Variants in ZNF727 observed in about 807,000 individuals in gnomAD.
ZNF727 encodes zinc finger protein 727.
ZNF727 carries 11 observed loss-of-function variants against 11.5 expected under a neutral mutation model. That is an observed-to-expected ratio of 0.95 (90% CI 0.60 to 1.58). The LOEUF (loss-of-function observed/expected upper bound fraction) is 1.58, where lower values mean the gene tolerates loss of function less well. ZNF727 is among the 40% of genes most tolerant of loss of function. ZNF727 has a pLI of 0.00. For synonymous variants in ZNF727, 171 were observed against 196.1 expected (o/e 0.87, Z 1.07); for missense variants, 533 against 581.7 (o/e 0.92, Z 0.86).
intron 1 of ZNF727, among the ~76,000 whole-genome samples, chr7:64,064,504 T>C (rs1789832471): frequency 6.6e-6 from 1 of 152,124 alleles, no homozygotes; most frequent in South Asian, 2.1e-4. Flanking sequence ...CTCTCCCCTT[T>C]CCTCAAGTAG....
chr7:64,081,468 A>G lies in ZNF727; in HGVS notation c.*2919A>G, dbSNP rs1359737646. The stretch of plus-strand genomic sequence containing the variant: ...CAAAGCCAAACTCACCTTTGCAGAC[A>G]TGTGCCAGCAAAGTAATATGGGGAG... On this transcript the variant is annotated 3_prime_UTR_variant, in exon 4 of 4. Transcript: ENST00000456806. Among the ~76,000 whole-genome samples, 2 of 152,128 alleles carry G rather than the reference A, an allele frequency of 1.3e-5. No homozygotes were observed. The highest frequency in any genetic ancestry group is 3.9e-4 in the East Asian group (2 of 5,144).
rs1785792051 is a variant in ZNF727 at position 64,081,481 on chromosome 7, G to A, written c.*2932G>A. On this transcript the variant is annotated 3_prime_UTR_variant, in exon 4 of 4. Transcript: ENST00000456806. The stretch of plus-strand genomic sequence containing the variant: ...ACCTTTGCAGACATGTGCCAGCAAA[G>A]TAATATGGGGAGTTGCCATGGTCTT... Among the ~76,000 whole-genome samples, 1 of 152,116 alleles carries A rather than the reference G, an allele frequency of 6.6e-6. No individual in the cohort carries two copies. Among genetic ancestry groups the A allele is most frequent in the Admixed American group, 6.5e-5 (1 of 15,274 alleles).
At chr7:64,068,618 A>G (rs1789908255) in intron 1 of ZNF727, among the ~76,000 whole-genome samples, 1 of 152,164 alleles carries the variant, frequency 6.6e-6, no homozygotes, top group South Asian at 2.1e-4. Flanking sequence ...ATGTAAATAT[A>G]GCATTAAGTA....
At chr7:64,048,719 G>A (rs561735820) in intron 1 of ZNF727, among the ~76,000 whole-genome samples, 2 of 152,220 alleles carry the variant, frequency 1.3e-5, no homozygotes, top group African/African-American at 2.4e-5. Context: ...AGCTGCAATG[G>A]ATGCAACAAT....
In ZNF727 at chr7:64,080,081, CAT is replaced by C. The variant is rs768198350; in HGVS notation, c.*1535_*1536del. 1.9e-4 allele frequency among the ~76,000 whole-genome samples: 29 copies of C among 152,146 alleles called. No individual in the cohort carries two copies. The highest frequency in any genetic ancestry group is 7.0e-4 in the African/African-American group (29 of 41,526). ...GGTCTTTCTCTCTAGCTGCCTTTAA[CAT>C]ATTTTTTTCTCTCATTTTGACCTTG... On this transcript the variant is annotated 3_prime_UTR_variant, in exon 4 of 4. Transcript: ENST00000456806.
chr7:64,058,312 A>C (rs931756762), intron 1 of ZNF727, among the ~76,000 whole-genome samples: 2 of 151,454 alleles, frequency 1.3e-5, no homozygotes, highest in Admixed American at 6.6e-5. Flanking sequence ...ATGAGGTCAG[A>C]CTCCTTCTCC....
At chr7:64,069,432 T>C in intron 2 of ZNF727, 82 bp from the exon 3 acceptor site, 4 of 1,132,492 alleles carry the variant, frequency 3.5e-6, no homozygotes, top group Non-Finnish European at 5.2e-6. Context: ...TATAATGTTC[T>C]CTCTTCTCTA....
At chr7:64,068,594 G>A (rs926710472) in intron 1 of ZNF727, among the ~76,000 whole-genome samples, 20 of 152,082 alleles carry the variant, frequency 1.3e-4, no homozygotes, top group Admixed American at 8.5e-4. Flanking sequence ...AGTATAGACA[G>A]CTCATCTTGT....
chr7:64,057,877 G>A (rs549867931), intron 1 of ZNF727, among the ~76,000 whole-genome samples: 28 of 152,150 alleles, frequency 1.8e-4, no homozygotes, highest in Non-Finnish European at 3.5e-4. Context: ...TAGATTCATG[G>A]CATAATTGTC....
chr7:64,047,762 C>G (rs1407206797), intron 1 of ZNF727, among the ~76,000 whole-genome samples: 1 of 152,132 alleles, frequency 6.6e-6, no homozygotes, highest in African/African-American at 2.4e-5. Context: ...TTTTCCCTCT[C>G]AACCCTAGCT....
At chr7:64,048,495 G>T (rs544094559) in intron 1 of ZNF727, among the ~76,000 whole-genome samples, 10 of 152,262 alleles carry the variant, frequency 6.6e-5, no homozygotes, top group South Asian at 4.1e-4. Flanking sequence ...GAAAACATCA[G>T]TTTCTGTCTC....
At chr7:64,060,798 T>C (rs1037594481) in intron 1 of ZNF727, among the ~76,000 whole-genome samples, 1 of 152,112 alleles carries the variant, frequency 6.6e-6, no homozygotes, top group African/African-American at 2.4e-5. Flanking sequence ...TTGGAGTTTT[T>C]TTTTAAACTT....
chr7:64,048,481 T>C (rs562895298), intron 1 of ZNF727, among the ~76,000 whole-genome samples: 9 of 152,216 alleles, frequency 5.9e-5, no homozygotes, highest in Non-Finnish European at 1.2e-4. Context: ...TTACAAACAT[T>C]CATGAAAACA....
Position 64,079,272 on chromosome 7 carries a change from A to T in ZNF727, c.*723A>T, listed in dbSNP as rs568083706. ...TAAAAATGTGGAAAAGCCTTTAACA[A>T]TTCGTCATATTGTGTTCAACATCAG... On this transcript the variant is annotated 3_prime_UTR_variant, in exon 4 of 4. Transcript: ENST00000456806. Among the ~76,000 whole-genome samples, 1 of 152,328 alleles carries T rather than the reference A, an allele frequency of 6.6e-6. No individual in the cohort carries two copies. The highest frequency in any genetic ancestry group is 2.1e-4 in the South Asian group (1 of 4,824).
rs1260747790 is a variant in ZNF727 at position 64,077,505 on chromosome 7, A to G, written c.456A>G (p.Lys152=). 2.6e-6 allele frequency: 4 copies of G among 1,551,454 alleles called. No homozygotes were observed. The South Asian group carries it at 4.8e-5, about 18-fold the overall frequency. The change falls in exon 4 of 4, where the codon AAA becomes AAG. Residue 152 remains lysine, a synonymous_variant. Transcript: ENST00000456806. ...CCTGTCAATATAATAAATGTGGCAA[A>G]GCTTTTGGGTTGTGCTCAATCTTCA... ...SKTCQYNKCG[K]AFGLCSIFTE... is the part of the protein sequence containing the mutation.
At chr7:64,068,424 A>G (rs1208530090) in intron 1 of ZNF727, among the ~76,000 whole-genome samples, 2 of 152,122 alleles carry the variant, frequency 1.3e-5, no homozygotes, top group Non-Finnish European at 2.9e-5. Context: ...GCCAGAAGCA[A>G]TGATACCACT....
At chr7:64,055,542 C>G (rs1267323129) in intron 1 of ZNF727, among the ~76,000 whole-genome samples, 1 of 152,138 alleles carries the variant, frequency 6.6e-6, no homozygotes, top group Non-Finnish European at 1.5e-5. Context: ...TTCCCATTGT[C>G]CACTGTCTTA....
At position 64,078,111 on chromosome 7, in the gene ZNF727, C is replaced by G. The variant is rs1244433600; in HGVS notation, c.1062C>G (p.Thr354=). The change falls in exon 4 of 4, where the codon ACC becomes ACG. Residue 354 remains threonine, a synonymous_variant. Coordinates refer to ENST00000456806, the MANE Select transcript of ZNF727 (RefSeq NM_001159522.3). ...ECGKAFTYSS[T]LISHKRIHME... is the part of the protein sequence containing the mutation. ...GCAAAGCCTTTACCTACTCCTCAAC[C>G]CTTATTAGCCACAAGAGAATTCATA... is the stretch of plus-strand genomic sequence containing the variant. The G allele has an allele frequency of 5.0e-6, 8 of 1,607,568 alleles. No homozygotes were observed. In the Admixed American group the frequency reaches 1.2e-4, roughly 24 times the overall value.
chr7:64,056,194 T>C (rs1789683554), intron 1 of ZNF727, among the ~76,000 whole-genome samples: 1 of 152,192 alleles, frequency 6.6e-6, no homozygotes, highest in South Asian at 2.1e-4. Flanking sequence ...TGGTATTTGT[T>C]GAATCTCTTG....
Sources: allele counts gnomAD v4.1 joint callset (sites outside exome capture counted in the v4.1 genomes callset), GRCh38; gene constraint gnomAD v4.1.1; transcripts MANE v1.5; gene names NCBI Gene and HGNC (gene_info 2026-07-23, HGNC 2026-07-21).